MVB12B: variants seen among roughly 807,000 people sequenced by gnomAD.
MVB12B encodes the protein multivesicular body subunit 12B.
Under a neutral mutation model 41.6 loss-of-function variants are expected in MVB12B, and 16 were observed. That is an observed-to-expected ratio of 0.38 (90% confidence interval 0.26 to 0.58). The LOEUF (loss-of-function observed/expected upper bound fraction) is 0.58, where lower values mean the gene tolerates loss of function less well. MVB12B is among the 20% of genes least tolerant of loss of function. The pLI is 0.62. For missense variants in MVB12B, 274 were observed against 380.2 expected (o/e 0.72, Z 2.32); for synonymous variants, 133 against 139.7 (o/e 0.95, Z 0.34).
intron 2 of MVB12B, among the ~76,000 whole-genome samples, chr9:126,362,965 TC>T (rs1830065634): frequency 6.6e-6 from 1 of 152,174 alleles, no homozygotes; most frequent in Non-Finnish European, 1.5e-5. Flanking sequence ...GGCGGGGGTA[TC>T]ACCTGAGGTC....
chr9:126,444,527 A>G (rs1338320554), intron 7 of MVB12B, among the ~76,000 whole-genome samples: 1 of 152,108 alleles, frequency 6.6e-6, no homozygotes, highest in African/African-American at 2.4e-5. Context: ...CTTCCATTGC[A>G]GTCTTAATTT....
chr9:126,491,002 CG>C (rs1407605029), intron 9 of MVB12B, among the ~76,000 whole-genome samples: 1 of 152,196 alleles, frequency 6.6e-6, no homozygotes, highest in Non-Finnish European at 1.5e-5. Context: ...CTCTTAGCCA[CG>C]CATATCTAAT....
intron 7 of MVB12B, among the ~76,000 whole-genome samples, chr9:126,453,217 G>A (rs1298649922): frequency 6.6e-6 from 1 of 152,184 alleles, no homozygotes; most frequent in Non-Finnish European, 1.5e-5. Flanking sequence ...ATTTTTGCCA[G>A]AAAACCCCAC....
At chr9:126,499,792 G>A (rs985965884) in intron 9 of MVB12B, among the ~76,000 whole-genome samples, 1 of 152,212 alleles carries the variant, frequency 6.6e-6, no homozygotes, top group Non-Finnish European at 1.5e-5. Flanking sequence ...GAGAGGGTGG[G>A]GGCGCAATCT....
chr9:126,494,785 A>T (rs1241775761), intron 9 of MVB12B, among the ~76,000 whole-genome samples: 1 of 152,108 alleles, frequency 6.6e-6, no homozygotes, highest in Non-Finnish European at 1.5e-5. Flanking sequence ...AACTATCTAG[A>T]AGAGGAGAAA....
intron 6 of MVB12B, among the ~76,000 whole-genome samples, chr9:126,416,262 G>A (rs548159947): frequency 9.1e-4 from 139 of 152,322 alleles, no homozygotes; most frequent in African/African-American, 3.2e-3. Context: ...ACGCATGCCT[G>A]GTTCCGTGCT....
In MVB12B at chr9:126,395,593, G is replaced by C. The variant is rs149910528; in HGVS notation, c.558G>C (p.Gly186=). ...YTFIGELNSM[G]IWYRMGRVPR... is the part of the protein sequence containing the mutation. Reference sequence around the variant, plus strand: ...CCTAAAGGGAACTGAACAGCATGGGGATCTGGTATCGAATGGGCAGAGTAC... The same window carrying C: ...CCTAAAGGGAACTGAACAGCATGGGCATCTGGTATCGAATGGGCAGAGTAC... The change falls in exon 6 of 10, where the codon GGG becomes GGC. Residue 186 remains glycine (G), a synonymous_variant. Transcript: ENST00000361171. This position sits in a 1 kb window ranked among gnomAD's most constrained non-coding sequence, Gnocchi z 4.9. 6.2e-7 allele frequency: 1 copy of C among 1,614,198 alleles called. No homozygotes were observed. Among genetic ancestry groups the C allele is most frequent in the South Asian group, 1.1e-5 (1 of 91,084 alleles).
rs117776291 is a variant in MVB12B at position 126,403,192 on chromosome 9, C to T, written c.662+7495C>T. On this transcript the variant is annotated intron_variant, in intron 6 of 9. Transcript: ENST00000361171. Reference sequence around the variant, plus strand: ...CTCAATCGAGAACTTCACTGGCTTCCTGTTATCCGACCGCCCCCCACACAT... The same window carrying T: ...CTCAATCGAGAACTTCACTGGCTTCTTGTTATCCGACCGCCCCCCACACAT... Among the ~76,000 whole-genome samples, 431 of 152,342 alleles carry T rather than the reference C, an allele frequency of 2.8e-3. 3 individuals carry two copies. The highest frequency in any genetic ancestry group is 4.7e-3 in the Non-Finnish European group (318 of 68,036).
At chr9:126,493,391 CTCTGTTATTCTATTTT>C (rs1833774024) in intron 9 of MVB12B, among the ~76,000 whole-genome samples, 3 of 152,114 alleles carry the variant, frequency 2.0e-5, no homozygotes, top group African/African-American at 7.2e-5. Flanking sequence ...TTCCGTTCTG[CTCTGTTATTCTATTTT>C]TATATTAGTA....
intron 6 of MVB12B, among the ~76,000 whole-genome samples, chr9:126,400,972 T>A (rs180893947): frequency 4.1e-4 from 62 of 152,286 alleles, no homozygotes; most frequent in Admixed American, 6.5e-4. Flanking sequence ...TATGTGAACA[T>A]CCATCCTGCG....
intron 9 of MVB12B, among the ~76,000 whole-genome samples, chr9:126,496,204 C>CCCCCCCATCCAT (rs1833828366): frequency 8.2e-6 from 1 of 122,104 alleles, no homozygotes; most frequent in African/African-American, 3.4e-5. Context: ...CACCCACCTA[C>CCCCCCCATCCAT]CCACCCGTCC....
intron 2 of MVB12B, among the ~76,000 whole-genome samples, chr9:126,351,782 C>T (rs554518409): frequency 1.3e-5 from 2 of 152,242 alleles, no homozygotes; most frequent in Non-Finnish European, 2.9e-5. Flanking sequence ...GCCACCGTGC[C>T]TGGCCCCAGT....
At chr9:126,414,696 C>T (rs1330224520) in intron 6 of MVB12B, among the ~76,000 whole-genome samples, 2 of 152,036 alleles carry the variant, frequency 1.3e-5, no homozygotes, top group Non-Finnish European at 2.9e-5. Flanking sequence ...GCTTTATGAA[C>T]TCTCCTAAAA....
rs554728475 is a variant in MVB12B at position 126,333,691 on chromosome 9, C to T, written c.81+6681C>T. The stretch of plus-strand genomic sequence containing the variant: ...TGCTGGGATTACAGGCGTGAGCCAC[C>T]ATGCCCGTGTGTGACCCTGGTTTTA... On this transcript the variant is annotated intron_variant, in intron 1 of 9. Transcript: ENST00000361171. The surrounding 1 kb of genome is among the most constrained non-coding windows in gnomAD (Gnocchi z 4.7). 6.6e-6 allele frequency among the ~76,000 whole-genome samples: 1 copy of T among 152,154 alleles called. No homozygotes were observed. Among genetic ancestry groups the T allele is most frequent in the East Asian group, 1.9e-4 (1 of 5,190 alleles).
At chr9:126,432,122 A>G (rs1268465189) in intron 7 of MVB12B, among the ~76,000 whole-genome samples, 1 of 152,238 alleles carries the variant, frequency 6.6e-6, no homozygotes, top group Non-Finnish European at 1.5e-5. Context: ...TCCTAAACAC[A>G]TGAACACAGA....
intron 4 of MVB12B, among the ~76,000 whole-genome samples, chr9:126,390,494 G>A (rs1041902117): frequency 2.0e-5 from 3 of 152,192 alleles, no homozygotes; most frequent in Non-Finnish European, 4.4e-5. Flanking sequence ...CACACCTCCC[G>A]TTGGTCAGCA....
chr9:126,399,662 C>T (rs560772993), intron 6 of MVB12B, among the ~76,000 whole-genome samples: 3 of 152,168 alleles, frequency 2.0e-5, no homozygotes, highest in Non-Finnish European at 4.4e-5. Flanking sequence ...GGTGGGCTCA[C>T]AACCGCTGGA....
intron 6 of MVB12B, among the ~76,000 whole-genome samples, chr9:126,406,517 C>T (rs1475416980): frequency 6.6e-6 from 1 of 152,192 alleles, no homozygotes; most frequent in African/African-American, 2.4e-5. Context: ...CTTGAATTTT[C>T]GAAAAGCGGA....
chr9:126,390,267 C>T (rs1830909448), intron 4 of MVB12B, among the ~76,000 whole-genome samples: 1 of 152,232 alleles, frequency 6.6e-6, no homozygotes, highest in Non-Finnish European at 1.5e-5. Flanking sequence ...CTAAGTGGAT[C>T]ATATGTGTTG....
Sources: allele counts gnomAD v4.1 joint callset (sites outside exome capture counted in the v4.1 genomes callset), GRCh38; gene constraint gnomAD v4.1.1; non-coding constraint Gnocchi (gnomAD v3.1); transcripts MANE v1.5; gene names NCBI Gene and HGNC (gene_info 2026-07-23, HGNC 2026-07-21).